The following ZNF579 variants were observed in gnomAD, a reference collection of about 807,000 sequenced individuals.
ZNF579 encodes zinc finger protein 579.
ZNF579 carries 3 observed loss-of-function variants against 5.7 expected under a neutral mutation model. The ratio of observed to expected loss-of-function variants is 0.53; its 90% CI spans 0.24 to 1.36. The LOEUF (loss-of-function observed/expected upper bound fraction) is 1.36. ZNF579 is among the 40% of genes most tolerant of loss of function. The pLI, the probability that ZNF579 is intolerant of heterozygous loss-of-function variation, is 0.16. For synonymous variants in ZNF579, 454 were observed against 409.0 expected (o/e 1.11, Z -1.33); for missense variants, 679 against 877.6 (o/e 0.77, Z 2.86).
In ZNF579 at chr19:55,579,097, C is replaced by A. The variant is rs532860043; in HGVS notation, c.543G>T (p.Thr181=). The change falls in exon 2 of 2, where the codon ACG becomes ACT. Residue 181 remains threonine, a synonymous_variant. Coordinates refer to ENST00000325421, the MANE Select transcript of ZNF579 (RefSeq NM_152600.3). The part of the protein sequence containing the change: ...PETWPAGEPS[T]LAAPTSAAEP... ...CCGCGGCGCTGGTGGGCGCAGCCAG[C>A]GTGGAAGGCTCCCCCGCAGGCCACG... 1 of 1,527,878 alleles carries A rather than the reference C, an allele frequency of 6.5e-7. No individual in the cohort carries two copies. Among genetic ancestry groups the A allele is most frequent in the Non-Finnish European group, 8.7e-7 (1 of 1,143,510 alleles). The allele number at this position is 1,527,878 out of a possible 1,614,324, so 94.6% of individuals were successfully genotyped here.
In ZNF579 at chr19:55,577,100, G is replaced by A. The variant is rs143391043; in HGVS notation, c.*851C>T. On this transcript the variant is annotated 3_prime_UTR_variant, in exon 2 of 2. Transcript: ENST00000325421. Reference sequence around the variant, plus strand: ...GGCACTGCAGCTTGGGCAACAGAGTGAGGGAAGAAAGATTATGGAAACTTT... The same window carrying A: ...GGCACTGCAGCTTGGGCAACAGAGTAAGGGAAGAAAGATTATGGAAACTTT... The A allele has an allele frequency of 9.9e-5, 15 of 152,242 alleles. No homozygotes were observed. The highest frequency in any genetic ancestry group is 3.1e-4 in the African/African-American group (13 of 41,508). The allele number at this position is 152,242 out of a possible 1,614,324, so 9.4% of individuals were successfully genotyped here.
chr19:55,578,557 C>G lies in ZNF579; in HGVS notation c.1083G>C (p.Ser361=), dbSNP rs199914858. 6.9e-5 allele frequency: 99 copies of G among 1,433,392 alleles called. No individual in the cohort carries two copies. The highest frequency in any genetic ancestry group is 8.6e-5 in the Non-Finnish European group (95 of 1,102,246). The allele number at this position is 1,433,392 out of a possible 1,614,324, so 88.8% of individuals were successfully genotyped here. Residue 361 remains serine (S), a synonymous_variant, in exon 2 of 2, where the codon TCG becomes TCC. Coordinates refer to ENST00000325421, the MANE Select transcript of ZNF579 (RefSeq NM_152600.3). ...CTCCGTTCTGCCCTTCTCCCCCTTC[C>G]GAGGCACCCCCGCACTCCGCCCCCT... The part of the protein sequence containing the change: ...GGEGAECGGA[S]EGGEGQNGGD...
Position 55,578,250 on chromosome 19 carries a change from G to T in ZNF579, c.1390C>A (p.Arg464Ser). ...YSLLRHQRCHRAELERAAALQ... is the reference protein window; with the variant it reads ...YSLLRHQRCHSAELERAAALQ... ...GCGGCGGCCCTCTCCAGCTCTGCGCGGTGGCAGCGCTGGTGGCGCAGGAGG... is the reference window on the plus strand; with the variant it reads ...GCGGCGGCCCTCTCCAGCTCTGCGCTGTGGCAGCGCTGGTGGCGCAGGAGG... The change falls in exon 2 of 2, where the codon CGC (arginine) becomes AGC (serine). Residue 464 changes from arginine (R) to serine (S), a missense_variant. By Grantham distance (110) the Arg-to-Ser change is moderately radical. This residue lies in a region of ZNF579 where 68 missense variants were observed against 154.2 expected (regional missense o/e 0.44). Coordinates refer to ENST00000325421, the MANE Select transcript of ZNF579 (RefSeq NM_152600.3). 7.2e-7 allele frequency: 1 copy of T among 1,390,778 alleles called. No homozygotes were observed. Among genetic ancestry groups the T allele is most frequent in the Non-Finnish European group, 9.3e-7 (1 of 1,081,070 alleles). The allele number at this position is 1,390,778 out of a possible 1,614,324, so 86.2% of individuals were successfully genotyped here. A position where few individuals can be genotyped will look rare whatever the true frequency, so the allele number is the denominator to read the frequency against.
At chr19:55,580,518 G>A (rs1979622983) in intron 1 of ZNF579, among the ~76,000 whole-genome samples, 1 of 151,374 alleles carries the variant, frequency 6.6e-6, no homozygotes, top group South Asian at 2.1e-4. Flanking sequence ...GGCTGGGGAG[G>A]GGGCTGGGCT....
chr19:55,577,930 CGGA>C lies in ZNF579; in HGVS notation c.*18_*20del. 3.2e-6 allele frequency: 5 copies of C among 1,568,048 alleles called. No homozygotes were observed. Among genetic ancestry groups the C allele is most frequent in the Non-Finnish European group, 4.3e-6 (5 of 1,157,350 alleles). ...AAACCGGGGAGCTCAGGCGGAGCGG[CGGA>C]GGGCAGGGCGGCGAAGGTCAGGAGG... On this transcript the variant is annotated 3_prime_UTR_variant, in exon 2 of 2. Coordinates refer to ENST00000325421, the MANE Select transcript of ZNF579 (RefSeq NM_152600.3).
In ZNF579 at chr19:55,579,172, G is replaced by A. The variant is rs1453798242; in HGVS notation, c.468C>T (p.Thr156=). 2 of 1,525,228 alleles carry A rather than the reference G, an allele frequency of 1.3e-6. No homozygotes were observed. Among genetic ancestry groups the A allele is most frequent in the African/African-American group, 1.4e-5 (1 of 71,702 alleles). 94.5% of individuals were successfully genotyped at this position (1,525,228 alleles called of 1,614,324 possible). The change falls in exon 2 of 2, where the codon ACC becomes ACT. Residue 156 remains threonine (T), a synonymous_variant. Transcript: ENST00000325421. ...PQDEGSEPPT[T]AAAGATEEEA... ...CCTCCTCCGTGGCCCCTGCTGCAGC[G>A]GTGGTGGGCGGCTCCGAGCCCTCGT...
chr19:55,577,919 A>G lies in ZNF579; in HGVS notation c.*32T>C. 6.4e-7 allele frequency: 1 copy of G among 1,559,014 alleles called. No individual in the cohort carries two copies. The highest frequency in any genetic ancestry group is 8.7e-7 in the Non-Finnish European group (1 of 1,152,886). ...CTCCATTCTGCAAACCGGGGAGCTC[A>G]GGCGGAGCGGCGGAGGGCAGGGCGG... On this transcript the variant is annotated 3_prime_UTR_variant, in exon 2 of 2. Transcript: ENST00000325421.
chr19:55,578,290 G>A lies in ZNF579; in HGVS notation c.1350C>T (p.Phe450=). The A allele has an allele frequency of 6.9e-6, 9 of 1,296,654 alleles. No homozygotes were observed. Among genetic ancestry groups the A allele is most frequent in the Non-Finnish European group, 8.8e-6 (9 of 1,026,506 alleles). 80.3% of individuals were successfully genotyped at this position (1,296,654 alleles called of 1,614,324 possible). A position where few individuals can be genotyped will look rare whatever the true frequency, so the allele number is the denominator to read the frequency against. The change falls in exon 2 of 2, where the codon TTC becomes TTT. Residue 450 remains phenylalanine, a synonymous_variant. Transcript: ENST00000325421. ...PHPCPRCPRR[F]SRAYSLLRHQ... ...GGCGCAGGAGGCTGTAGGCGCGCGAGAAGCGGCGCGGGCAGCGGGGGCACG... is the reference window on the plus strand; with the variant it reads ...GGCGCAGGAGGCTGTAGGCGCGCGAAAAGCGGCGCGGGCAGCGGGGGCACG...
chr19:55,577,930 C>A lies in ZNF579; in HGVS notation c.*21G>T, dbSNP rs1387732710. 1.3e-6 allele frequency: 2 copies of A among 1,568,048 alleles called. No homozygotes were observed. Among genetic ancestry groups the A allele is most frequent in the Admixed American group, 3.8e-5 (2 of 53,002 alleles). ...AAACCGGGGAGCTCAGGCGGAGCGG[C>A]GGAGGGCAGGGCGGCGAAGGTCAGG... On this transcript the variant is annotated 3_prime_UTR_variant, in exon 2 of 2. Coordinates refer to ENST00000325421, the MANE Select transcript of ZNF579 (RefSeq NM_152600.3).
Position 55,579,430 on chromosome 19 carries a change from C to T in ZNF579, c.210G>A (p.Arg70=). 7.5e-7 allele frequency: 1 copy of T among 1,336,446 alleles called. No homozygotes were observed. The highest frequency in any genetic ancestry group is 9.6e-7 in the Non-Finnish European group (1 of 1,041,686). 82.8% of individuals were successfully genotyped at this position (1,336,446 alleles called of 1,614,324 possible). ...TGGGGCACAGCGGGCAGGCGTGGGG[C>T]CGGAGCCCCGAGTGGCTCAGCCGGT... ...SRHRLSHSGL[R]PHACPLCPKA... Residue 70 remains arginine, a synonymous_variant, in exon 2 of 2, where the codon CGG becomes CGA. Coordinates refer to ENST00000325421, the MANE Select transcript of ZNF579 (RefSeq NM_152600.3).
In ZNF579 at chr19:55,579,544, A is replaced by ACGGCCACGGCCCCGACCACGGCCT. The variant is rs765139510; in HGVS notation, c.72_95dup (p.Arg28_Gly35dup). 1.4e-6 allele frequency: 2 copies of ACGGCCACGGCCCCGACCACGGCCT among 1,465,262 alleles called. No individual in the cohort carries two copies. Among genetic ancestry groups the ACGGCCACGGCCCCGACCACGGCCT allele is most frequent in the South Asian group, 1.3e-5 (1 of 75,492 alleles). The allele number at this position is 1,465,262 out of a possible 1,614,324, so 90.8% of individuals were successfully genotyped here. A position where few individuals can be genotyped will look rare whatever the true frequency, so the allele number is the denominator to read the frequency against. On this transcript the variant is annotated inframe_insertion, in exon 2 of 2. Coordinates refer to ENST00000325421, the MANE Select transcript of ZNF579 (RefSeq NM_152600.3). Reference sequence around the variant, plus strand: ...TAGGGGCTCCAGCGCCCCCCCTGCCACGGCCACGGCCCCGACCACGGCCTC... The same window carrying ACGGCCACGGCCCCGACCACGGCCT: ...TAGGGGCTCCAGCGCCCCCCCTGCCACGGCCACGGCCCCGACCACGGCCTCGGCCACGGCCCCGACCACGGCCTC...
At position 55,578,581 on chromosome 19, in the gene ZNF579, C is replaced by G. The variant is rs10403008; in HGVS notation, c.1059G>C (p.Glu353Asp). Residue 353 changes from glutamate (E) to aspartate (D), a missense_variant, in exon 2 of 2, where the codon GAG becomes GAC. Glu to Asp is a conservative substitution (Grantham distance 45, BLOSUM62 2). Coordinates refer to ENST00000325421, the MANE Select transcript of ZNF579 (RefSeq NM_152600.3). ...RNSAKGPEGG[E>D]GAECGGASEG... ...CCGAGGCACCCCCGCACTCCGCCCC[C>G]TCGCCCCCCTCCGGCCCCTTGGCTG... 356,562 of 1,470,318 alleles carry G rather than the reference C, an allele frequency of 0.24. 45,367 individuals are homozygous for G. The highest frequency in any genetic ancestry group is 0.39 in the South Asian group (28,906 of 73,184). The allele number at this position is 1,470,318 out of a possible 1,614,324, so 91.1% of individuals were successfully genotyped here.
rs1979502262 is a variant in ZNF579 at position 55,578,761 on chromosome 19, G to T, written c.879C>A (p.Ser293=). The T allele has an allele frequency of 1.2e-6, 2 of 1,601,996 alleles. No homozygotes were observed. The part of the protein sequence containing the change: ...WSLSRHRLVH[S]TDRPFVCPDC... ...CTGGGCACACGAAAGGGCGGTCGGT[G>T]GAGTGGACCAGCCGGTGGCGCGACA... The change falls in exon 2 of 2, where the codon TCC becomes TCA. Residue 293 remains serine (S), a synonymous_variant. Transcript: ENST00000325421.
chr19:55,578,159 T>G lies in ZNF579; in HGVS notation c.1481A>C (p.Glu494Ala). ...CAGCGGGAGCCCTTCTTCCTCCTGC[T>G]CGGCCTTCAGGGGCGGCGGGGGCGG... is the stretch of plus-strand genomic sequence containing the variant. Reference protein sequence around the residue: ...PPPPPPPLKAEQEEEGLPLPL... With the variant: ...PPPPPPPLKAAQEEEGLPLPL... Residue 494 changes from glutamate to alanine, a missense_variant, in exon 2 of 2, where the codon GAG (glutamate) becomes GCG (alanine). This residue lies in a region of ZNF579 where 116 missense variants were observed against 121.9 expected (regional missense o/e 0.95). Coordinates refer to ENST00000325421, the MANE Select transcript of ZNF579 (RefSeq NM_152600.3). 2 of 1,518,476 alleles carry G rather than the reference T, an allele frequency of 1.3e-6. No homozygotes were observed. Among genetic ancestry groups the G allele is most frequent in the Non-Finnish European group, 1.8e-6 (2 of 1,132,350 alleles). The allele number at this position is 1,518,476 out of a possible 1,614,324, so 94.1% of individuals were successfully genotyped here. A position where few individuals can be genotyped will look rare whatever the true frequency, so the allele number is the denominator to read the frequency against.
At position 55,579,283 on chromosome 19, in the gene ZNF579, C is replaced by T. The variant is rs1186617244; in HGVS notation, c.357G>A (p.Leu119=). Residue 119 remains leucine (L), a synonymous_variant, in exon 2 of 2, where the codon CTG becomes CTA. Transcript: ENST00000325421. ...FPEPAQLRRH[L]AQEHAGGEVE... ...CCTCGCCGCCCGCGTGCTCCTGAGC[C>T]AGGTGGCGCCTGAGCTGGGCCGGTT... 2.0e-6 allele frequency: 3 copies of T among 1,513,030 alleles called. No homozygotes were observed. The highest frequency in any genetic ancestry group is 1.4e-5 in the African/African-American group (1 of 69,994). The allele number at this position is 1,513,030 out of a possible 1,614,324, so 93.7% of individuals were successfully genotyped here.
intron 1 of ZNF579, 134 bp from the exon 2 acceptor site, chr19:55,579,775 T>C (rs1233363154): frequency 7.9e-6 from 8 of 1,017,018 alleles, no homozygotes; most frequent in Non-Finnish European, 1.0e-5. Flanking sequence ...AGGAGAGAGA[T>C]ATGAGACAGA....
At position 55,579,113 on chromosome 19, in the gene ZNF579, G is replaced by GCAGGCCACGTCT; in HGVS notation, c.515_526dup (p.Glu172_Pro175dup). ...CGCAGCCAGCGTGGAAGGCTCCCCCGCAGGCCACGTCTCAGGCCACGCTGC... is the reference window on the plus strand; with the variant it reads ...CGCAGCCAGCGTGGAAGGCTCCCCCGCAGGCCACGTCTCAGGCCACGTCTCAGGCCACGCTGC... On this transcript the variant is annotated inframe_insertion, in exon 2 of 2. Transcript: ENST00000325421. The GCAGGCCACGTCT allele has an allele frequency of 6.6e-7, 1 of 1,526,708 alleles. No homozygotes were observed. The highest frequency in any genetic ancestry group is 8.7e-7 in the Non-Finnish European group (1 of 1,142,954). The allele number at this position is 1,526,708 out of a possible 1,614,324, so 94.6% of individuals were successfully genotyped here.
intron 1 of ZNF579, among the ~76,000 whole-genome samples, chr19:55,580,475 G>A (rs111290023): frequency 3.3e-5 from 5 of 151,314 alleles, no homozygotes; most frequent in African/African-American, 1.2e-4. Context: ...TGGTATGGAG[G>A]AGGTGTGGAT....
chr19:55,579,233 G>A lies in ZNF579; in HGVS notation c.407C>T (p.Ala136Val). ...CCAGCTGGGTTCGGCCGTCTCCTTG[G>A]CCACCCTCTCGATGGCCAGCTCGAC... ...GEVELAIERV[A>V]KETAEPSWGP... is the part of the protein sequence containing the mutation. Residue 136 changes from alanine (A) to valine (V), a missense_variant, in exon 2 of 2, where the codon GCC (alanine) becomes GTC (valine). Ala to Val is a moderately conservative substitution (Grantham distance 64). Coordinates refer to ENST00000325421, the MANE Select transcript of ZNF579 (RefSeq NM_152600.3). 6.6e-7 allele frequency: 1 copy of A among 1,522,130 alleles called. No individual in the cohort carries two copies. Among genetic ancestry groups the A allele is most frequent in the African/African-American group, 1.4e-5 (1 of 71,352 alleles). 94.3% of individuals were successfully genotyped at this position (1,522,130 alleles called of 1,614,324 possible).
Sources: gnomAD v4.1 joint callset for allele counts (sites outside exome capture counted in the v4.1 genomes callset) on GRCh38, gnomAD v4.1.1 for gene constraint, gnomAD v4.1.1 regional missense constraint, MANE v1.5 for transcripts, NCBI Gene and HGNC (gene_info 2026-07-23, HGNC 2026-07-21) for gene names.